The following CPA6 variants were observed in gnomAD, a reference collection of about 807,000 sequenced individuals.
The protein encoded by CPA6 is carboxypeptidase B.
In CPA6, 58 loss-of-function variants were observed where a neutral mutation model predicts 63.3. The observed-to-expected ratio is 0.92, with a 90% CI of 0.74 to 1.14. CPA6 has a LOEUF of 1.14. CPA6 is among the 50% of genes most tolerant of loss of function. CPA6 has a pLI of 0.00. For synonymous variants in CPA6, 185 were observed against 179.0 expected (o/e 1.03, Z -0.27); for missense variants, 565 against 526.6 (o/e 1.07, Z -0.71).
intron 8 of CPA6, among the ~76,000 whole-genome samples, chr8:67,457,670 A>C (rs1810706350): frequency 6.6e-6 from 1 of 151,290 alleles, no homozygotes; most frequent in South Asian, 2.1e-4. Context: ...CTATAACCAA[A>C]ATAGATCATG....
intron 2 of CPA6, among the ~76,000 whole-genome samples, chr8:67,590,088 G>C (rs1400165396): frequency 1.3e-5 from 2 of 150,186 alleles, no homozygotes; most frequent in African/African-American, 4.9e-5. Context: ...CCCTTCCTGT[G>C]TCCATGTGTT....
Position 67,502,389 on chromosome 8 carries a change from G to A in CPA6, c.636+4398C>T, listed in dbSNP as rs376975109. On this transcript the variant is annotated intron_variant, in intron 6 of 10. Transcript: ENST00000297770. Reference sequence around the variant, plus strand: ...GACGTGAAAGATTTGCATGGGCCTGGGAAATCAAGGCTGCAGTGAGCCATA... The same window carrying A: ...GACGTGAAAGATTTGCATGGGCCTGAGAAATCAAGGCTGCAGTGAGCCATA... Among the ~76,000 whole-genome samples, 22 of 152,234 alleles carry A rather than the reference G, an allele frequency of 1.4e-4. 2 individuals are homozygous for A. The highest frequency in any genetic ancestry group is 1.2e-3 in the Admixed American group (18 of 15,296).
chr8:67,746,206 C>T lies in CPA6; in HGVS notation c.-77G>A. On this transcript the variant is annotated 5_prime_UTR_variant, in exon 1 of 11. It adds an upstream start codon to the 5' untranslated region. Coordinates refer to ENST00000297770, the MANE Select transcript of CPA6 (RefSeq NM_020361.5). ...GAGGTGGCTCACAGCACCCTCTACA[C>T]ACCGCACAGGTTCTCCGGGAAGGGG... 1 of 997,390 alleles carries T rather than the reference C, an allele frequency of 1.0e-6. No homozygotes were observed. The highest frequency in any genetic ancestry group is 1.5e-6 in the Non-Finnish European group (1 of 665,506). The allele number at this position is 997,390 out of a possible 1,614,324, so 61.8% of individuals were successfully genotyped here.
intron 8 of CPA6, among the ~76,000 whole-genome samples, chr8:67,464,657 T>C (rs1019909664): frequency 2.6e-4 from 39 of 152,236 alleles, no homozygotes; most frequent in African/African-American, 9.2e-4. Flanking sequence ...GGCCTTACAT[T>C]TAAATACTTA....
At position 67,703,794 on chromosome 8, in the gene CPA6, T is replaced by C. The variant is rs139011371; in HGVS notation, c.116+42220A>G. 2.2e-3 allele frequency among the ~76,000 whole-genome samples: 331 copies of C among 152,332 alleles called. 5 individuals are homozygous for C. Among genetic ancestry groups the C allele is most frequent in the Non-Finnish European group, 1.4e-3 (95 of 68,030 alleles). On this transcript the variant is annotated intron_variant, in intron 1 of 10. Coordinates refer to ENST00000297770, the MANE Select transcript of CPA6 (RefSeq NM_020361.5). Reference sequence around the variant, plus strand: ...CAGAACCCCAGCTCTGCCAGCTCCTTATGACTTTCCATACACTTTTATTTT... The same window carrying C: ...CAGAACCCCAGCTCTGCCAGCTCCTCATGACTTTCCATACACTTTTATTTT...
rs147462892 is a variant in CPA6 at position 67,618,175 on chromosome 8, T to C, written c.192+6001A>G. On this transcript the variant is annotated intron_variant, in intron 2 of 10. Coordinates refer to ENST00000297770, the MANE Select transcript of CPA6 (RefSeq NM_020361.5). ...AAGAGTCTTGGGGGCCATCCTAGAA[T>C]TCTGCCTACCATGGCCACGATTAAG... 1.9e-3 allele frequency among the ~76,000 whole-genome samples: 286 copies of C among 152,288 alleles called. 6 individuals are homozygous for C. In the East Asian group the frequency reaches 0.024, roughly 13 times the overall value.
At chr8:67,701,630 G>C (rs1029429348) in intron 1 of CPA6, among the ~76,000 whole-genome samples, 1 of 152,168 alleles carries the variant, frequency 6.6e-6, no homozygotes, top group Non-Finnish European at 1.5e-5. Context: ...CAACACAACA[G>C]AGAACTATAG....
chr8:67,470,089 A>G (rs893901163), intron 8 of CPA6, among the ~76,000 whole-genome samples: 5 of 148,236 alleles, frequency 3.4e-5, no homozygotes, highest in South Asian at 2.1e-4. Flanking sequence ...AGGCTGGAGC[A>G]TGATCTTGGC....
intron 3 of CPA6, among the ~76,000 whole-genome samples, chr8:67,513,341 T>A (rs1037337041): frequency 6.6e-5 from 10 of 152,190 alleles, no homozygotes; most frequent in Admixed American, 1.3e-4. Context: ...TAGGAGAGAA[T>A]CTGGGATGGT....
rs142964883 is a variant in CPA6, at chr8:67,657,427, A to G, written c.117-33176T>C. ...AAACCAACAAATATCTGTGTTATAA[A>G]CCTAGCAGTTTAAAAAATATCCTTT... On this transcript the variant is annotated intron_variant, in intron 1 of 10. Coordinates refer to ENST00000297770, the MANE Select transcript of CPA6 (RefSeq NM_020361.5). 1.1e-4 allele frequency among the ~76,000 whole-genome samples: 16 copies of G among 152,314 alleles called. No individual in the cohort carries two copies. In the East Asian group the frequency reaches 3.1e-3, roughly 29 times the overall value.
chr8:67,513,696 T>G (rs79816925), intron 3 of CPA6, among the ~76,000 whole-genome samples: 3,090 of 152,218 alleles, frequency 0.02, 103 homozygotes, highest in African/African-American at 0.069. Flanking sequence ...ATTGTGACAC[T>G]GGAGGTCAAG....
At chr8:67,669,733 T>G (rs1185469331) in intron 1 of CPA6, among the ~76,000 whole-genome samples, 1 of 152,056 alleles carries the variant, frequency 6.6e-6, no homozygotes, top group East Asian at 1.9e-4. Flanking sequence ...CCACAGACGT[T>G]TGATGCTTCT....
intron 1 of CPA6, among the ~76,000 whole-genome samples, chr8:67,626,562 T>G (rs1421263401): frequency 6.6e-6 from 1 of 152,178 alleles, no homozygotes. Context: ...CGGGAAAAAA[T>G]TGTCAAGTCA....
intron 8 of CPA6, among the ~76,000 whole-genome samples, chr8:67,448,664 G>GAAAAAAA (rs1810487222): frequency 1.5e-5 from 1 of 66,466 alleles, no homozygotes; most frequent in African/African-American, 8.4e-5. Context: ...AGGAAAGAAC[G>GAAAAAAA]AAAAAGAAAA....
chr8:67,510,158 T>C (rs1211246510), intron 4 of CPA6, among the ~76,000 whole-genome samples: 2 of 152,170 alleles, frequency 1.3e-5, no homozygotes, highest in Non-Finnish European at 2.9e-5. Flanking sequence ...ATTTCTCCAG[T>C]GATAGTGATA....
intron 2 of CPA6, among the ~76,000 whole-genome samples, chr8:67,573,735 A>G (rs1457469014): frequency 1.3e-5 from 2 of 151,742 alleles, no homozygotes; most frequent in African/African-American, 2.4e-5. Context: ...TACTAAAAAT[A>G]CAAAAAATTA....
chr8:67,589,871 T>C (rs1160435609), intron 2 of CPA6, among the ~76,000 whole-genome samples: 3 of 151,432 alleles, frequency 2.0e-5, no homozygotes, highest in Admixed American at 2.0e-4. Context: ...CTGTGTAGTG[T>C]TGTTTTTATT....
At chr8:67,458,009 G>A (rs1484632369) in intron 8 of CPA6, among the ~76,000 whole-genome samples, 1 of 152,190 alleles carries the variant, frequency 6.6e-6, no homozygotes, top group African/African-American at 2.4e-5. Context: ...AGCAAAGGTA[G>A]TCTTTTTTAC....
chr8:67,537,805 C>T (rs1020248390), intron 2 of CPA6, among the ~76,000 whole-genome samples: 7 of 152,200 alleles, frequency 4.6e-5, no homozygotes, highest in Non-Finnish European at 7.3e-5. Context: ...ATCTTTCCCA[C>T]TTTCTCTTAT....
Sources: allele counts gnomAD v4.1 joint callset (sites outside exome capture counted in the v4.1 genomes callset), GRCh38; gene constraint gnomAD v4.1.1; transcripts MANE v1.5; gene names NCBI Gene and HGNC (gene_info 2026-07-23, HGNC 2026-07-21).